The following PLEKHA2 variants were observed in gnomAD, a reference collection of about 807,000 sequenced individuals.
PLEKHA2 encodes pleckstrin homology domain containing A2, also known as pleckstrin homology domain-containing family A member 2.
In PLEKHA2, 28 loss-of-function variants were observed where a neutral mutation model predicts 53.2. The observed-to-expected ratio is 0.53, with a 90% CI of 0.39 to 0.72. PLEKHA2 has a LOEUF of 0.72. PLEKHA2 is among the 30% of genes least tolerant of loss of function. The pLI is 0.00. For missense variants in PLEKHA2, 426 were observed against 537.9 expected, an observed-to-expected ratio of 0.79 and a Z score of 2.06; for synonymous variants, 193 against 196.4, an observed-to-expected ratio of 0.98 and a Z score of 0.14.
chr8:38,905,622 C>T (rs1460890955), intron 1 of PLEKHA2, among the ~76,000 whole-genome samples: 1 of 151,890 alleles, frequency 6.6e-6, no homozygotes, highest in Non-Finnish European at 1.5e-5. Context: ...CACTCCCCTG[C>T]CCCACCCCCA....
chr8:38,940,718 A>AC (rs1402020979), intron 3 of PLEKHA2, among the ~76,000 whole-genome samples: 1 of 149,564 alleles, frequency 6.7e-6, no homozygotes, highest in African/African-American at 2.5e-5. Flanking sequence ...TTATGGAGCC[A>AC]CCAGCGTCCT....
At chr8:38,953,694 C>G (rs1178294978) in intron 9 of PLEKHA2, among the ~76,000 whole-genome samples, 1 of 152,184 alleles carries the variant, frequency 6.6e-6, no homozygotes, top group African/African-American at 2.4e-5. Context: ...TGCTCAATCC[C>G]TAGCAGAACA....
At chr8:38,951,056 T>G in intron 6 of PLEKHA2, 66 bp downstream of exon 6, 1 of 1,231,732 alleles carries the variant, frequency 8.1e-7, no homozygotes, top group South Asian at 1.3e-5. Flanking sequence ...GTGCCCATGA[T>G]GTGCTCGGAG....
intron 10 of PLEKHA2, among the ~76,000 whole-genome samples, chr8:38,962,373 C>T (rs1835056211): frequency 6.6e-6 from 1 of 152,168 alleles, no homozygotes; most frequent in Non-Finnish European, 1.5e-5. Context: ...TAAGAGCAGC[C>T]TGGTCCAGAA....
intron 1 of PLEKHA2, among the ~76,000 whole-genome samples, chr8:38,909,467 A>AG (rs35261889): frequency 0.82 from 124,067 of 152,060 alleles, 50,649 homozygotes; most frequent in Admixed American, 0.83. Context: ...CAGCCCCTCT[A>AG]TGCCTCTGTG....
chr8:38,913,610 T>C (rs954630295), intron 1 of PLEKHA2, among the ~76,000 whole-genome samples: 1 of 152,202 alleles, frequency 6.6e-6, no homozygotes, highest in Non-Finnish European at 1.5e-5. Context: ...CCTGGTTTTC[T>C]TGAGGGGCTG....
intron 10 of PLEKHA2, among the ~76,000 whole-genome samples, chr8:38,961,765 G>C (rs1835045608): frequency 6.6e-6 from 1 of 152,138 alleles, no homozygotes; most frequent in Non-Finnish European, 1.5e-5. Context: ...TGGTGGAGAA[G>C]ACTCCCTAGA....
rs1184287264 is a variant in PLEKHA2, at chr8:38,948,438, G to A, written c.345+2217G>A. The stretch of plus-strand genomic sequence containing the variant: ...AAAGAGCTTATCAGTGCATTGCCTG[G>A]CACTGAATGGTGGCCCAGAGAAACT... On this transcript the variant is annotated intron_variant, in intron 5 of 11. Coordinates refer to ENST00000617275, the MANE Select transcript of PLEKHA2 (RefSeq NM_021623.2). 2.0e-5 allele frequency among the ~76,000 whole-genome samples: 3 copies of A among 152,184 alleles called. No homozygotes were observed. The East Asian group carries it at 5.8e-4, about 29-fold the overall frequency.
At chr8:38,956,214 T>C (rs1834937709) in intron 9 of PLEKHA2, among the ~76,000 whole-genome samples, 1 of 152,228 alleles carries the variant, frequency 6.6e-6, no homozygotes, top group Non-Finnish European at 1.5e-5. Context: ...TAACTTGGGC[T>C]GCTTTGAGGT....
At chr8:38,958,695 A>G (rs1168798037) in intron 10 of PLEKHA2, among the ~76,000 whole-genome samples, 1 of 152,226 alleles carries the variant, frequency 6.6e-6, no homozygotes, top group East Asian at 1.9e-4. Context: ...TTCACCAGCA[A>G]CACTGCCACT....
intron 6 of PLEKHA2, 104 bp downstream of exon 6, chr8:38,951,094 A>C (rs10088613): frequency 5.1e-6 from 2 of 391,656 alleles, no homozygotes; most frequent in Non-Finnish European, 3.9e-6. Context: ...GGAGGGTGGG[A>C]GTGGGGGGCA....
chr8:38,939,612 A>C (rs1296038717), intron 3 of PLEKHA2, among the ~76,000 whole-genome samples: 1 of 152,234 alleles, frequency 6.6e-6, no homozygotes, highest in Non-Finnish European at 1.5e-5. Context: ...GCATTCTCAC[A>C]GCACAGGCTG....
intron 1 of PLEKHA2, among the ~76,000 whole-genome samples, chr8:38,908,260 C>T (rs1019960554): frequency 6.6e-6 from 1 of 152,148 alleles, no homozygotes; most frequent in Non-Finnish European, 1.5e-5. Context: ...GAGGGAAAGG[C>T]GCTCAGAGGA....
intron 3 of PLEKHA2, among the ~76,000 whole-genome samples, chr8:38,937,182 A>T (rs935101740): frequency 1.3e-5 from 2 of 152,252 alleles, no homozygotes; most frequent in Non-Finnish European, 2.9e-5. Context: ...GATGCAGGGC[A>T]GCGTCAGGGC....
chr8:38,907,002 C>T (rs1025918341), intron 1 of PLEKHA2, among the ~76,000 whole-genome samples: 1 of 152,184 alleles, frequency 6.6e-6, no homozygotes, highest in Non-Finnish European at 1.5e-5. Context: ...AAACTTTCTC[C>T]TGTTACCCAG....
intron 5 of PLEKHA2, among the ~76,000 whole-genome samples, chr8:38,949,371 G>A (rs576835398): frequency 2.0e-4 from 30 of 152,306 alleles, no homozygotes; most frequent in African/African-American, 5.5e-4. Flanking sequence ...CTCCCGTTCT[G>A]CTGGGGAGAA....
chr8:38,967,151 TA>T (rs1396433353), intron 10 of PLEKHA2, among the ~76,000 whole-genome samples: 1 of 152,228 alleles, frequency 6.6e-6, no homozygotes, highest in Non-Finnish European at 1.5e-5. Context: ...AGTATTCCAT[TA>T]TACATATGGA....
In PLEKHA2 at chr8:38,950,348, A is replaced by AC. The variant is rs557989680; in HGVS notation, c.346-499dup. 2.6e-5 allele frequency among the ~76,000 whole-genome samples: 4 copies of AC among 151,928 alleles called. No individual in the cohort carries two copies. The South Asian group carries it at 6.2e-4, about 24-fold the overall frequency. ...CGGACCTGGCCCCCATCTCCTGCTTACCCTCCAGGTTGCCGTTTGAGTGTC... is the reference window on the plus strand; with the variant it reads ...CGGACCTGGCCCCCATCTCCTGCTTACCCCTCCAGGTTGCCGTTTGAGTGTC... On this transcript the variant is annotated intron_variant, in intron 5 of 11. Coordinates refer to ENST00000617275, the MANE Select transcript of PLEKHA2 (RefSeq NM_021623.2).
At position 38,949,488 on chromosome 8, in the gene PLEKHA2, T is replaced by G. The variant is rs1392319509; in HGVS notation, c.346-1362T>G. On this transcript the variant is annotated intron_variant, in intron 5 of 11. Coordinates refer to ENST00000617275, the MANE Select transcript of PLEKHA2 (RefSeq NM_021623.2). ...AATATCCCAAAACTTAGATGCAGATTTTAAAAAATACTGCATGTGACTAAC... is the reference window on the plus strand; with the variant it reads ...AATATCCCAAAACTTAGATGCAGATGTTAAAAAATACTGCATGTGACTAAC... 5.3e-5 allele frequency among the ~76,000 whole-genome samples: 8 copies of G among 152,348 alleles called. No individual in the cohort carries two copies. The East Asian group carries it at 1.3e-3, about 26-fold the overall frequency.
Sources: allele counts gnomAD v4.1 joint callset (sites outside exome capture counted in the v4.1 genomes callset), GRCh38; gene constraint gnomAD v4.1.1; transcripts MANE v1.5; gene names NCBI Gene and HGNC (gene_info 2026-07-23, HGNC 2026-07-21).